MAGI2: variants seen among roughly 807,000 people sequenced by gnomAD.
The protein encoded by MAGI2 is membrane associated guanylate kinase, WW and PDZ domain containing 2.
In MAGI2, 35 loss-of-function variants were observed where a neutral mutation model predicts 133.3. The ratio of observed to expected loss-of-function variants is 0.26; its 90% CI spans 0.20 to 0.35. The LOEUF (loss-of-function observed/expected upper bound fraction) is 0.35. Among genes scored for constraint, MAGI2 ranks in the 10% least tolerant of loss-of-function variants. The pLI is 1.00. For missense variants in MAGI2, 1,636 were observed against 1,863.4 expected, an observed-to-expected ratio of 0.88 and a Z score of 2.25; for synonymous variants, 729 against 710.6, an observed-to-expected ratio of 1.03 and a Z score of -0.41.
intron 21 of MAGI2, among the ~76,000 whole-genome samples, chr7:78,077,422 A>T (rs1001048945): frequency 6.7e-6 from 1 of 149,724 alleles, no homozygotes; most frequent in Non-Finnish European, 1.5e-5. Context: ...ATATATATTT[A>T]AAAATATTTT....
At chr7:78,060,751 C>T (rs1351958995) in intron 21 of MAGI2, among the ~76,000 whole-genome samples, 1 of 152,200 alleles carries the variant, frequency 6.6e-6, no homozygotes, top group Non-Finnish European at 1.5e-5. Context: ...GGTGGGGATG[C>T]AGGTCAATGA....
At chr7:79,050,140 A>C (rs1468591525) in intron 1 of MAGI2, among the ~76,000 whole-genome samples, 2 of 152,102 alleles carry the variant, frequency 1.3e-5, no homozygotes, top group Non-Finnish European at 2.9e-5. Flanking sequence ...CCTCAAACTA[A>C]AGTTTCAGCT....
intron 6 of MAGI2, among the ~76,000 whole-genome samples, chr7:78,433,825 T>G (rs542150108): frequency 1.3e-5 from 2 of 152,264 alleles, no homozygotes; most frequent in East Asian, 3.9e-4. Context: ...TTAGAGTCTA[T>G]GCACATATAG....
intron 2 of MAGI2, among the ~76,000 whole-genome samples, chr7:78,930,566 C>A (rs1800036675): frequency 6.6e-6 from 1 of 152,006 alleles, no homozygotes; most frequent in African/African-American, 2.4e-5. Flanking sequence ...CATTTAGGGA[C>A]CTTCTGGAAA....
At chr7:79,424,882 C>T (rs571818179) in intron 1 of MAGI2, among the ~76,000 whole-genome samples, 8 of 152,072 alleles carry the variant, frequency 5.3e-5, no homozygotes, top group Middle Eastern at 3.4e-3. Flanking sequence ...ATATTTATTT[C>T]CATTCACATT....
intron 1 of MAGI2, among the ~76,000 whole-genome samples, chr7:79,109,598 A>G (rs1818741633): frequency 6.6e-6 from 1 of 152,234 alleles, no homozygotes; most frequent in East Asian, 1.9e-4. Context: ...CAGGAAGCAG[A>G]GCAAAATATT....
chr7:79,111,836 T>G (rs906962062), intron 1 of MAGI2, among the ~76,000 whole-genome samples: 3 of 152,008 alleles, frequency 2.0e-5, no homozygotes, highest in African/African-American at 7.3e-5. Context: ...CTGGCTAATT[T>G]TTTGTATTTT....
chr7:79,398,485 A>G (rs1234626301), intron 1 of MAGI2, among the ~76,000 whole-genome samples: 1 of 152,244 alleles, frequency 6.6e-6, no homozygotes, highest in African/African-American at 2.4e-5. Context: ...ATGTCACTGT[A>G]GCCTGTGATT....
chr7:78,172,395 T>C (rs2150661983), intron 14 of MAGI2, among the ~76,000 whole-genome samples: 1 of 152,342 alleles, frequency 6.6e-6, no homozygotes, highest in East Asian at 1.9e-4. Context: ...TGCCAAAGAC[T>C]AGGTCTGTCA....
intron 2 of MAGI2, among the ~76,000 whole-genome samples, chr7:78,782,137 G>A (rs970757): frequency 0.88 from 134,342 of 152,260 alleles, 59,378 homozygotes; most frequent in East Asian, 1. Context: ...GGAGTCAGAG[G>A]TGAGCTTCCT....
At chr7:78,586,976 A>G (rs1333824032) in intron 3 of MAGI2, among the ~76,000 whole-genome samples, 1 of 152,154 alleles carries the variant, frequency 6.6e-6, no homozygotes, top group African/African-American at 2.4e-5. Context: ...CTGTTCATTC[A>G]CTGATGAACA....
chr7:78,277,896 T>C (rs1442104194), intron 9 of MAGI2, among the ~76,000 whole-genome samples: 7 of 152,004 alleles, frequency 4.6e-5, no homozygotes, highest in Non-Finnish European at 1.0e-4. Context: ...CATAGAAAAG[T>C]AATCAGAGCA....
chr7:78,175,642 A>G (rs571913969), intron 14 of MAGI2, among the ~76,000 whole-genome samples: 1 of 152,218 alleles, frequency 6.6e-6, no homozygotes, highest in South Asian at 2.1e-4. Context: ...CTAGTGTTTA[A>G]AGTTGGGGTG....
chr7:78,479,688 A>G (rs1406930019), intron 6 of MAGI2, among the ~76,000 whole-genome samples: 1 of 151,982 alleles, frequency 6.6e-6, no homozygotes, highest in Admixed American at 6.6e-5. Context: ...CCATTTAAAA[A>G]TGGTCTGTAT....
chr7:78,672,705 T>A (rs1814539271), intron 2 of MAGI2, among the ~76,000 whole-genome samples: 1 of 152,192 alleles, frequency 6.6e-6, no homozygotes, highest in African/African-American at 2.4e-5. Flanking sequence ...ATCCAGGAAT[T>A]TGTTGGATAT....
chr7:78,827,633 A>G (rs567402649), intron 2 of MAGI2, among the ~76,000 whole-genome samples: 1 of 152,338 alleles, frequency 6.6e-6, no homozygotes, highest in East Asian at 1.9e-4. Flanking sequence ...AGATGAGCAC[A>G]TTTCATATTG....
At chr7:78,081,168 A>G (rs116982416) in intron 20 of MAGI2, among the ~76,000 whole-genome samples, 2,632 of 152,248 alleles carry the variant, frequency 0.017, 36 homozygotes, top group Middle Eastern at 0.027. Context: ...GCTCTTCACA[A>G]GCAGAGATGT....
At chr7:79,417,414 G>C (rs144463292) in intron 1 of MAGI2, among the ~76,000 whole-genome samples, 300 of 152,132 alleles carry the variant, frequency 2.0e-3, no homozygotes, top group African/African-American at 6.9e-3. Context: ...ACTTATCTTT[G>C]CATTCATATC....
intron 1 of MAGI2, among the ~76,000 whole-genome samples, chr7:79,366,137 G>A (rs1044235102): frequency 6.6e-6 from 1 of 151,882 alleles, no homozygotes; most frequent in Admixed American, 6.6e-5. Context: ...AGCTACTCAG[G>A]AGGCTGAGGT....
Sources: gnomAD v4.1 joint callset for allele counts (sites outside exome capture counted in the v4.1 genomes callset) on GRCh38, gnomAD v4.1.1 for gene constraint, MANE v1.5 for transcripts, NCBI Gene and HGNC (gene_info 2026-07-23, HGNC 2026-07-21) for gene names.